The following CALN1 variants were observed in gnomAD, a reference collection of about 807,000 sequenced individuals.
The protein encoded by CALN1 is calneuron 1, also known as calcium-binding protein 8.
Under a neutral mutation model 30.6 loss-of-function variants are expected in CALN1, and 17 were observed. That is an observed-to-expected ratio of 0.56 (90% CI 0.38 to 0.83). The LOEUF is 0.83. Ranked by LOEUF, CALN1 falls within the 40% of genes least tolerant of loss-of-function variation. The probability of loss-of-function intolerance (pLI) is 0.00; values close to 1 mark genes in which losing one functional copy is unlikely to be tolerated. For synonymous variants in CALN1, 156 were observed against 131.4 expected, an observed-to-expected ratio of 1.19 and a Z score of -1.28; for missense variants, 291 against 354.9, an observed-to-expected ratio of 0.82 and a Z score of 1.45.
intron 3 of CALN1, among the ~76,000 whole-genome samples, chr7:72,147,332 G>A (rs1310503347): frequency 2.0e-5 from 3 of 152,006 alleles, no homozygotes; most frequent in Non-Finnish European, 2.9e-5. Flanking sequence ...CTCAAAAGAA[G>A]ACATTTATGC....
At chr7:71,847,029 C>T (rs896185394) in intron 5 of CALN1, among the ~76,000 whole-genome samples, 1 of 150,442 alleles carries the variant, frequency 6.6e-6, no homozygotes, top group African/African-American at 2.4e-5. Flanking sequence ...GGCTAATAAG[C>T]CCCAAGATCT....
At chr7:72,014,754 C>G (rs1017854623) in intron 5 of CALN1, among the ~76,000 whole-genome samples, 1 of 151,896 alleles carries the variant, frequency 6.6e-6, no homozygotes, top group Non-Finnish European at 1.5e-5. Context: ...CTCGACCTCC[C>G]AGGCTAAATT....
At chr7:72,369,047 T>G (rs1320904690) in intron 2 of CALN1, among the ~76,000 whole-genome samples, 1 of 151,450 alleles carries the variant, frequency 6.6e-6, no homozygotes, top group African/African-American at 2.4e-5. Flanking sequence ...ACTCCTGACC[T>G]CAAGTGATCT....
At chr7:72,068,551 G>C (rs1357176794) in intron 4 of CALN1, among the ~76,000 whole-genome samples, 3 of 152,130 alleles carry the variant, frequency 2.0e-5, no homozygotes, top group Admixed American at 6.5e-5. Context: ...GCAGTGGCGA[G>C]ATCTCAGCTC....
chr7:72,062,511 C>CAAAAAA (rs376093442), intron 4 of CALN1, among the ~76,000 whole-genome samples: 9 of 59,304 alleles, frequency 1.5e-4, no homozygotes, highest in African/African-American at 3.8e-4. Context: ...GACTCTATCT[C>CAAAAAA]AAAAAAAAAA....
intron 2 of CALN1, among the ~76,000 whole-genome samples, chr7:72,357,971 AT>A (rs948344092): frequency 1.3e-5 from 2 of 150,584 alleles, no homozygotes; most frequent in African/African-American, 2.5e-5. Context: ...TGCCTGGCTA[AT>A]TTTTTTGTAT....
intron 3 of CALN1, among the ~76,000 whole-genome samples, chr7:72,276,170 A>G (rs1305593800): frequency 6.6e-6 from 1 of 152,202 alleles, no homozygotes; most frequent in African/African-American, 2.4e-5. Flanking sequence ...AGGGCCACTC[A>G]GTGGGTCCTG....
chr7:71,918,431 T>C (rs547885552), intron 5 of CALN1, among the ~76,000 whole-genome samples: 1 of 152,316 alleles, frequency 6.6e-6, no homozygotes, highest in South Asian at 2.1e-4. Context: ...TTATTCCAAC[T>C]GTAAAATGGG....
chr7:72,212,099 T>C (rs1562744708), intron 3 of CALN1, among the ~76,000 whole-genome samples: 1 of 152,074 alleles, frequency 6.6e-6, no homozygotes, highest in Non-Finnish European at 1.5e-5. Context: ...ATGCCTGTAA[T>C]CCCAGCACTT....
At chr7:71,828,716 ATATG>A (rs1789081346) in intron 5 of CALN1, among the ~76,000 whole-genome samples, 1 of 132,396 alleles carries the variant, frequency 7.6e-6, no homozygotes, top group Non-Finnish European at 1.5e-5. Context: ...ATATATATGT[ATATG>A]TGTGTGTGTG....
intron 4 of CALN1, among the ~76,000 whole-genome samples, chr7:72,036,359 T>C (rs1801799370): frequency 6.6e-6 from 1 of 152,184 alleles, no homozygotes; most frequent in Non-Finnish European, 1.5e-5. Context: ...GTCAATCTCC[T>C]TGAATGTTTA....
intron 5 of CALN1, among the ~76,000 whole-genome samples, chr7:71,936,822 A>T (rs1795858986): frequency 6.6e-6 from 1 of 152,112 alleles, no homozygotes; most frequent in Non-Finnish European, 1.5e-5. Flanking sequence ...AGACAATTTG[A>T]ACCATGGAGG....
chr7:72,253,573 A>T lies in CALN1; in HGVS notation c.244+25113T>A, dbSNP rs138483480. On this transcript the variant is annotated intron_variant, in intron 3 of 6. Coordinates refer to ENST00000395275, the MANE Select transcript of CALN1 (RefSeq NM_031468.4). ...GCAAGAGAAACAGAGAACGTGCAGG[A>T]GAAACTGTCATTTATAAAACCATCA... 2.8e-4 allele frequency among the ~76,000 whole-genome samples: 42 copies of T among 152,280 alleles called. No individual in the cohort carries two copies. The East Asian group carries it at 8.1e-3, about 29-fold the overall frequency.
At chr7:72,139,596 C>T (rs1313058732) in intron 3 of CALN1, among the ~76,000 whole-genome samples, 1 of 151,530 alleles carries the variant, frequency 6.6e-6, no homozygotes, top group Non-Finnish European at 1.5e-5. Flanking sequence ...CCTTTCTAAG[C>T]ACCTCAGTCA....
chr7:72,362,673 C>T (rs1803639617), intron 2 of CALN1, among the ~76,000 whole-genome samples: 1 of 152,152 alleles, frequency 6.6e-6, no homozygotes, highest in Admixed American at 6.5e-5. Context: ...TCTGTCCTGC[C>T]TGTGTGCCCA....
chr7:71,888,270 C>T (rs1440991211), intron 5 of CALN1, among the ~76,000 whole-genome samples: 1 of 151,910 alleles, frequency 6.6e-6, no homozygotes, highest in East Asian at 1.9e-4. Context: ...AACCAACGGG[C>T]TGCTAATGGG....
intron 5 of CALN1, among the ~76,000 whole-genome samples, chr7:71,946,356 T>C (rs1463106630): frequency 7.0e-6 from 1 of 143,804 alleles, no homozygotes; most frequent in African/African-American, 2.6e-5. Context: ...GCGGGTTCCA[T>C]TTCTTTCTTT....
chr7:71,857,457 C>A (rs569410375), intron 5 of CALN1, among the ~76,000 whole-genome samples: 1 of 152,146 alleles, frequency 6.6e-6, no homozygotes, highest in South Asian at 2.1e-4. Context: ...GGGCTCTCAC[C>A]CATTCTGGCT....
intron 2 of CALN1, among the ~76,000 whole-genome samples, chr7:72,396,422 C>CAA (rs56030535): frequency 0.014 from 1,599 of 113,660 alleles, 23 homozygotes; most frequent in East Asian, 0.043. Flanking sequence ...GACTCTGTCT[C>CAA]AAAAAAAAAA....
Sources: allele counts gnomAD v4.1 joint callset (sites outside exome capture counted in the v4.1 genomes callset), GRCh38; gene constraint gnomAD v4.1.1; transcripts MANE v1.5; gene names NCBI Gene and HGNC (gene_info 2026-07-23, HGNC 2026-07-21).